The following ITCH variants were observed in gnomAD, a reference collection of about 807,000 sequenced individuals.
ITCH encodes itchy E3 ubiquitin protein ligase.
Under a neutral mutation model 126.8 loss-of-function variants are expected in ITCH, and 28 were observed. The ratio of observed to expected loss-of-function variants is 0.22; its 90% CI spans 0.16 to 0.30. The LOEUF is 0.30. ITCH is among the 10% of genes least tolerant of loss of function. The pLI, the probability that ITCH is intolerant of heterozygous loss-of-function variation, is 1.00. For missense variants in ITCH, 631 were observed against 1,032.4 expected (o/e 0.61, Z 5.33); for synonymous variants, 342 against 340.0 (o/e 1.01, Z -0.06).
chr20:34,451,284 C>T (rs1417436582), intron 12 of ITCH, among the ~76,000 whole-genome samples: 6 of 146,668 alleles, frequency 4.1e-5, no homozygotes, highest in South Asian at 2.2e-4. Flanking sequence ...AGCGAGACTC[C>T]GTCTCAAAAA....
intron 2 of ITCH, among the ~76,000 whole-genome samples, chr20:34,378,344 C>T (rs938923362): frequency 4.6e-5 from 7 of 151,172 alleles, no homozygotes; most frequent in African/African-American, 7.3e-5. Flanking sequence ...GGGGTGGTGG[C>T]GCACCTATAA....
chr20:34,367,096 A>G (rs994267103), intron 1 of ITCH, among the ~76,000 whole-genome samples: 4 of 152,198 alleles, frequency 2.6e-5, no homozygotes, highest in African/African-American at 7.2e-5. Flanking sequence ...TATGTATAGT[A>G]TGAGAGTGAA....
chr20:34,390,908 C>T (rs1487105394), intron 2 of ITCH, among the ~76,000 whole-genome samples: 17 of 151,628 alleles, frequency 1.1e-4, no homozygotes, highest in Admixed American at 1.1e-3. Flanking sequence ...TCCACCACCA[C>T]GCCCAGCTAA....
chr20:34,433,416 C>T (rs990834337), intron 7 of ITCH, among the ~76,000 whole-genome samples: 34 of 152,166 alleles, frequency 2.2e-4, no homozygotes, highest in African/African-American at 7.5e-4. Context: ...CATGGTGGCT[C>T]ACGCCTGTAA....
chr20:34,422,248 T>C (rs905189536), intron 6 of ITCH, among the ~76,000 whole-genome samples: 1 of 152,190 alleles, frequency 6.6e-6, no homozygotes, highest in Non-Finnish European at 1.5e-5. Context: ...ACAAAGTACA[T>C]GATAAAGCTA....
rs368650264 is a variant in ITCH at position 34,477,870 on chromosome 20, A to G, written c.1658+10A>G. 2 of 1,613,310 alleles carry G rather than the reference A, an allele frequency of 1.2e-6. No individual in the cohort carries two copies. The highest frequency in any genetic ancestry group is 1.7e-6 in the Non-Finnish European group (2 of 1,179,322). On this transcript the variant is annotated intron_variant, in intron 17 of 24. Transcript: ENST00000374864. ...ATGGAGGTGTAGCAAGGTAGTGATA[A>G]TATGAATACTCAGAACTTAGTTCCT...
chr20:34,407,444 T>A (rs2039099924), intron 3 of ITCH, among the ~76,000 whole-genome samples: 1 of 152,056 alleles, frequency 6.6e-6, no homozygotes, highest in Non-Finnish European at 1.5e-5. Context: ...GTTTTGAAAT[T>A]TTTTAGTAGA....
chr20:34,469,008 GA>G (rs1404267029), intron 14 of ITCH, among the ~76,000 whole-genome samples: 2 of 152,132 alleles, frequency 1.3e-5, no homozygotes, highest in African/African-American at 2.4e-5. Flanking sequence ...GATATACATT[GA>G]ATTTTTAAGA....
chr20:34,486,504 T>C (rs1466714769), intron 20 of ITCH, among the ~76,000 whole-genome samples: 1 of 151,820 alleles, frequency 6.6e-6, no homozygotes, highest in Non-Finnish European at 1.5e-5. Context: ...TTTTGTATTT[T>C]TAGTAGAGAC....
chr20:34,405,870 C>T (rs369923270), intron 3 of ITCH, among the ~76,000 whole-genome samples: 22 of 151,598 alleles, frequency 1.5e-4, no homozygotes, highest in Admixed American at 9.2e-4. Context: ...GTGATCCTCC[C>T]GCCTGGGTCT....
chr20:34,474,284 A>G (rs1315604180), intron 16 of ITCH, among the ~76,000 whole-genome samples: 24 of 152,140 alleles, frequency 1.6e-4, no homozygotes, highest in Admixed American at 3.9e-4. Flanking sequence ...AAAGGTCCCT[A>G]GTTCTCCTAG....
chr20:34,413,045 G>C (rs1316130169), intron 5 of ITCH, among the ~76,000 whole-genome samples: 1 of 151,838 alleles, frequency 6.6e-6, no homozygotes, highest in Non-Finnish European at 1.5e-5. Context: ...GACTCACTCT[G>C]TTTTCCAGGC....
At position 34,504,358 on chromosome 20, in the gene ITCH, T is replaced by C; in HGVS notation, c.2444T>C (p.Ile815Thr). The change falls in exon 24 of 25, where the codon ATT (isoleucine) becomes ACT (threonine). Residue 815 changes from isoleucine to threonine, a missense_variant. Ile to Thr is a moderately conservative substitution (Grantham distance 89). Around this residue, in one of 4 missense-constraint regions of ITCH, gnomAD observed 390 missense variants for 731.6 expected, o/e 0.53. Coordinates refer to ENST00000374864, the MANE Select transcript of ITCH (RefSeq NM_031483.7). ...MGSNGPQKFCIEKVGKENWLP... is the reference protein window; with the variant it reads ...MGSNGPQKFCTEKVGKENWLP... ...AGCAATGGACCACAGAAATTCTGCATTGAAAAAGTTGGGAAAGAAAATTGG... is the reference window on the plus strand; with the variant it reads ...AGCAATGGACCACAGAAATTCTGCACTGAAAAAGTTGGGAAAGAAAATTGG... 6.2e-7 allele frequency: 1 copy of C among 1,613,650 alleles called. No individual in the cohort carries two copies. Among genetic ancestry groups the C allele is most frequent in the Non-Finnish European group, 8.5e-7 (1 of 1,179,556 alleles).
intron 14 of ITCH, among the ~76,000 whole-genome samples, chr20:34,462,822 A>G (rs572676071): frequency 6.6e-6 from 1 of 152,322 alleles, no homozygotes; most frequent in Non-Finnish European, 1.5e-5. Context: ...GAATTTGACT[A>G]GTCGAAGTAC....
intron 6 of ITCH, 38 bp from the exon 7 acceptor site, chr20:34,424,442 C>T (rs1475880279): frequency 3.9e-6 from 6 of 1,557,172 alleles, no homozygotes; most frequent in Admixed American, 3.3e-5. Context: ...AAACTACTCT[C>T]TTGAAACTCA....
intron 3 of ITCH, among the ~76,000 whole-genome samples, chr20:34,400,648 T>TTC (rs2038845848): frequency 6.8e-6 from 1 of 146,404 alleles, no homozygotes; most frequent in Non-Finnish European, 1.5e-5. Flanking sequence ...AAATTTTTCT[T>TTC]TTTTTTTTTT....
chr20:34,390,938 A>C (rs1291453988), intron 2 of ITCH, among the ~76,000 whole-genome samples: 1 of 151,806 alleles, frequency 6.6e-6, no homozygotes, highest in Non-Finnish European at 1.5e-5. Context: ...TTTTTAATAC[A>C]GACGGGGTTT....
chr20:34,418,544 C>A (rs1233583965), intron 6 of ITCH, among the ~76,000 whole-genome samples: 1 of 151,852 alleles, frequency 6.6e-6, no homozygotes, highest in East Asian at 1.9e-4. Context: ...AAGAAAGTAG[C>A]CTAAATTTTT....
intron 14 of ITCH, among the ~76,000 whole-genome samples, chr20:34,464,235 A>C (rs1448830722): frequency 1.0e-4 from 15 of 143,964 alleles, no homozygotes; most frequent in Admixed American, 9.1e-4. Flanking sequence ...TGATCCACCC[A>C]CCTCAGTCTC....
Sources: gnomAD v4.1 joint callset for allele counts (sites outside exome capture counted in the v4.1 genomes callset) on GRCh38, gnomAD v4.1.1 for gene constraint, gnomAD v4.1.1 regional missense constraint, MANE v1.5 for transcripts, NCBI Gene and HGNC (gene_info 2026-07-23, HGNC 2026-07-21) for gene names.